CSE1L: variants seen among roughly 807,000 people sequenced by gnomAD.
CSE1L encodes chromosome segregation 1 like.
A neutral mutation model predicts 120.4 loss-of-function variants in CSE1L; 24 were observed. The ratio of observed to expected loss-of-function variants is 0.20; its 90% CI spans 0.14 to 0.28. The LOEUF (loss-of-function observed/expected upper bound fraction) is 0.28, where lower values mean the gene tolerates loss of function less well. Ranked by LOEUF, CSE1L falls within the 10% of genes least tolerant of loss-of-function variation. The pLI is 1.00. For synonymous variants in CSE1L, 402 were observed against 398.3 expected (o/e 1.01, Z -0.11); for missense variants, 830 against 1,145.2 (o/e 0.72, Z 3.97).
rs530067728 is a variant in CSE1L at position 49,075,384 on chromosome 20, C to T, written c.1199C>T (p.Pro400Leu). Residue 400 changes from proline to leucine, a missense_variant, in exon 12 of 25, where the codon CCT becomes CTT. Physicochemically the swap from Pro to Leu is moderately conservative, Grantham distance 98. Transcript: ENST00000262982. ...GGATTATGCAAGTTTTTTGAGGGACCTGTGACAGGAATCTTCTCTGGTTAT... is the reference window on the plus strand; with the variant it reads ...GGATTATGCAAGTTTTTTGAGGGACTTGTGACAGGAATCTTCTCTGGTTAT... The part of the protein sequence containing the change: ...VRGLCKFFEG[P>L]VTGIFSGYVN... 6.2e-7 allele frequency: 1 copy of T among 1,613,978 alleles called. No individual in the cohort carries two copies. The highest frequency in any genetic ancestry group is 1.1e-5 in the South Asian group (1 of 91,084).
chr20:49,061,007 C>T (rs1211869768), intron 2 of CSE1L, among the ~76,000 whole-genome samples: 3 of 152,002 alleles, frequency 2.0e-5, no homozygotes, highest in Admixed American at 6.6e-5. Flanking sequence ...CATGTTAATG[C>T]ATCTATCCTC....
chr20:49,058,988 G>A (rs6125531), intron 2 of CSE1L, among the ~76,000 whole-genome samples: 59,241 of 151,784 alleles, frequency 0.39, 11,657 homozygotes, highest in Middle Eastern at 0.51. Context: ...AAAATTAGCC[G>A]GGCGTGGTGG....
intron 22 of CSE1L, 44 bp downstream of exon 22, chr20:49,092,171 AC>A (rs1568788914): frequency 8.5e-7 from 1 of 1,172,018 alleles, no homozygotes. Context: ...AAATGTTTTG[AC>A]TTTTTTTTTA....
At chr20:49,069,199 C>T (rs1262646293) in intron 7 of CSE1L, among the ~76,000 whole-genome samples, 1 of 151,894 alleles carries the variant, frequency 6.6e-6, no homozygotes, top group Non-Finnish European at 1.5e-5. Flanking sequence ...GGTTGCTGTC[C>T]AGCTTATACA....
At chr20:49,095,124 C>G (rs1568790905) in intron 24 of CSE1L, 161 bp downstream of exon 24, 1 of 694,724 alleles carries the variant, frequency 1.4e-6, no homozygotes. Flanking sequence ...ACACTGAGCC[C>G]TTTTTTTCTT....
chr20:49,094,850 C>A lies in CSE1L; in HGVS notation c.2713C>A (p.Gln905Lys). 1 of 1,614,008 alleles carries A rather than the reference C, an allele frequency of 6.2e-7. No homozygotes were observed. The highest frequency in any genetic ancestry group is 1.1e-5 in the South Asian group (1 of 91,066). ...ACCAGGATATCAGACTGCCTTCTCA[C>A]AGTTGGCATTTGCTGGGAAAAAAGA... Reference protein sequence around the residue: ...DTPGYQTAFSQLAFAGKKEHD... With the variant: ...DTPGYQTAFSKLAFAGKKEHD... Residue 905 changes from glutamine to lysine, a missense_variant, in exon 24 of 25, where the codon CAG becomes AAG. Physicochemically the swap from Gln to Lys is moderately conservative, Grantham distance 53 (BLOSUM62 1). Transcript: ENST00000262982.
chr20:49,087,944 A>C, intron 16 of CSE1L, 65 bp from the exon 17 acceptor site: 1 of 1,086,072 alleles, frequency 9.2e-7, no homozygotes, highest in Non-Finnish European at 1.3e-6. Flanking sequence ...TTTTCCCCCC[A>C]GTCGCTCTCT....
At chr20:49,080,283 T>G (rs74459398) in intron 14 of CSE1L, among the ~76,000 whole-genome samples, 3 of 150,724 alleles carry the variant, frequency 2.0e-5, no homozygotes, top group African/African-American at 7.3e-5. Flanking sequence ...TTTTTTTTTT[T>G]GCTCACTGCA....
At chr20:49,060,966 A>G (rs1433212584) in intron 2 of CSE1L, among the ~76,000 whole-genome samples, 1 of 152,106 alleles carries the variant, frequency 6.6e-6, no homozygotes, top group Admixed American at 6.6e-5. Context: ...AATGTGTGTT[A>G]TATATTATGT....
chr20:49,075,522 T>C lies in CSE1L; in HGVS notation c.1335+2T>C, dbSNP rs963141380. On this transcript the variant is annotated splice_donor_variant, in intron 12 of 24. Transcript: ENST00000262982. LOFTEE classifies it high-confidence loss of function. ...GCATCAAAAGCCCAAACACAGAAGGTAAATATTTTTAATGTGGTTTTGTTT... is the reference window on the plus strand; with the variant it reads ...GCATCAAAAGCCCAAACACAGAAGGCAAATATTTTTAATGTGGTTTTGTTT... 1.9e-6 allele frequency: 3 copies of C among 1,612,400 alleles called. No homozygotes were observed. The highest frequency in any genetic ancestry group is 2.7e-5 in the African/African-American group (2 of 74,846).
intron 12 of CSE1L, among the ~76,000 whole-genome samples, 184 bp from the exon 13 acceptor site, chr20:49,076,796 G>T (rs2091972126): frequency 6.6e-6 from 1 of 152,066 alleles, no homozygotes; most frequent in Admixed American, 6.6e-5. Flanking sequence ...CTCCCAAAGT[G>T]CTGGGATTAC....
At chr20:49,096,174 A>C (rs1486165839) in intron 24 of CSE1L, 175 bp from the exon 25 acceptor site, 5 of 707,164 alleles carry the variant, frequency 7.1e-6, no homozygotes, top group Non-Finnish European at 1.0e-5. Flanking sequence ...TCTTTTCTTT[A>C]GACCTATTTT....
At chr20:49,066,858 GTC>G (rs1555822513) in intron 5 of CSE1L, among the ~76,000 whole-genome samples, 1 of 151,392 alleles carries the variant, frequency 6.6e-6, no homozygotes, top group Non-Finnish European at 1.5e-5. Context: ...GTAAAACCCC[GTC>G]TCTACTAAAA....
At chr20:49,085,253 A>G (rs934418425) in intron 15 of CSE1L, 30 bp from the exon 16 acceptor site, 1 of 1,544,046 alleles carries the variant, frequency 6.5e-7, no homozygotes, top group African/African-American at 1.4e-5. Flanking sequence ...AAGAGTTGGT[A>G]GTGACTGAAA....
At chr20:49,053,147 CT>C (rs71184250) in intron 1 of CSE1L, among the ~76,000 whole-genome samples, 1,693 of 122,574 alleles carry the variant, frequency 0.014, 33 homozygotes, top group African/African-American at 0.038. Context: ...CCCTGTCTCT[CT>C]TTTTTTTTTT....
chr20:49,051,405 T>C (rs375107442), intron 1 of CSE1L, among the ~76,000 whole-genome samples: 7 of 152,290 alleles, frequency 4.6e-5, no homozygotes, highest in African/African-American at 1.2e-4. Context: ...CAGCCGGGCG[T>C]GGTGGCACGC....
At chr20:49,059,053 C>T (rs1351431217) in intron 2 of CSE1L, among the ~76,000 whole-genome samples, 2 of 151,840 alleles carry the variant, frequency 1.3e-5, no homozygotes, top group Non-Finnish European at 2.9e-5. Context: ...ATGGCGTGAA[C>T]CCCGGAGGCA....
intron 5 of CSE1L, 55 bp downstream of exon 5, chr20:49,066,565 G>C (rs538102342): frequency 1.4e-6 from 2 of 1,479,116 alleles, no homozygotes; most frequent in East Asian, 2.3e-5. Context: ...TTATTTGCTT[G>C]TGTAAACAGT....
chr20:49,079,938 G>T (rs1404552841), intron 14 of CSE1L, among the ~76,000 whole-genome samples: 1 of 152,156 alleles, frequency 6.6e-6, no homozygotes, highest in Admixed American at 6.5e-5. Flanking sequence ...GCTGGGTGTG[G>T]TGGCACATGC....
Sources: gnomAD v4.1 joint callset for allele counts (sites outside exome capture counted in the v4.1 genomes callset) on GRCh38, gnomAD v4.1.1 for gene constraint, MANE v1.5 for transcripts, NCBI Gene and HGNC (gene_info 2026-07-23, HGNC 2026-07-21) for gene names.